FBN3: variants seen among roughly 807,000 people sequenced by gnomAD.
FBN3 encodes the protein fibrillin-3.
Under a neutral mutation model 330.1 loss-of-function variants are expected in FBN3, and 234 were observed. That is an observed-to-expected ratio of 0.71 (90% CI 0.64 to 0.79). FBN3 has a LOEUF of 0.79. Among genes scored for constraint, FBN3 ranks in the 30% least tolerant of loss-of-function variants. FBN3 has a pLI of 0.00. For synonymous variants in FBN3, 1,458 were observed against 1,517.3 expected, an observed-to-expected ratio of 0.96 and a Z score of 0.91; for missense variants, 3,606 against 3,886.9, an observed-to-expected ratio of 0.93 and a Z score of 1.92.
At chr19:8,095,864 G>T in intron 45 of FBN3, 100 bp downstream of exon 45, 2 of 702,802 alleles carry the variant, frequency 2.8e-6, no homozygotes, top group Admixed American at 2.3e-5. Flanking sequence ...CTAAATAATC[G>T]GGGACTTTCT....
intron 54 of FBN3, among the ~76,000 whole-genome samples, chr19:8,086,622 ATTT>A (rs35364392): frequency 0.17 from 23,219 of 133,510 alleles, 2,491 homozygotes; most frequent in African/African-American, 0.32. Context: ...ACGCCCAGCT[ATTT>A]TTTTTTTTTT....
chr19:8,125,830 T>G, intron 22 of FBN3, 62 bp downstream of exon 22: 1 of 1,511,730 alleles, frequency 6.6e-7, no homozygotes, highest in South Asian at 1.3e-5. Flanking sequence ...CTCAAGTCAC[T>G]GCGGGTGGAG....
chr19:8,072,414 G>A (rs2081536182), intron 62 of FBN3, among the ~76,000 whole-genome samples: 1 of 152,184 alleles, frequency 6.6e-6, no homozygotes, highest in South Asian at 2.1e-4. Flanking sequence ...TTGGGCATAG[G>A]TGTGAACACA....
intron 26 of FBN3, among the ~76,000 whole-genome samples, chr19:8,118,669 G>A (rs1299374026): frequency 6.6e-6 from 1 of 151,900 alleles, no homozygotes; most frequent in Non-Finnish European, 1.5e-5. Context: ...ACTCACACAT[G>A]TGCGTGTTCA....
chr19:8,072,901 G>A (rs545747740), intron 62 of FBN3, among the ~76,000 whole-genome samples, 162 bp downstream of exon 62: 16 of 149,504 alleles, frequency 1.1e-4, no homozygotes, highest in Non-Finnish European at 1.6e-4. Flanking sequence ...TGCATATGTG[G>A]GCAAATGCCT....
chr19:8,105,632 T>G (rs557452110), intron 38 of FBN3, among the ~76,000 whole-genome samples: 33 of 152,156 alleles, frequency 2.2e-4, no homozygotes, highest in Non-Finnish European at 4.4e-5. Flanking sequence ...TTGAGAAAAG[T>G]GTAATAAAGT....
In FBN3 at chr19:8,121,945, C is replaced by T. The variant is rs952515798; in HGVS notation, c.3083-559G>A. ...TGTATTTTTAGTAGAGATGGTGTTT[C>T]GCCATGTTGGCCAGGCTGGTCTCAA... On this transcript the variant is annotated intron_variant, in intron 24 of 63. Coordinates refer to ENST00000600128, the MANE Select transcript of FBN3 (RefSeq NM_032447.5). This position sits in a 1 kb window ranked among gnomAD's most constrained non-coding sequence, Gnocchi z 4.5. 2.6e-5 allele frequency among the ~76,000 whole-genome samples: 4 copies of T among 151,672 alleles called. No individual in the cohort carries two copies. The highest frequency in any genetic ancestry group is 2.0e-4 in the Admixed American group (3 of 15,148).
Position 8,096,106 on chromosome 19 carries a change from A to C in FBN3, c.5540-26T>G. ...CTGCAGAAGCAAAGCCGAGAGCCCA[A>C]CCCAGCTCACCCAGGGCATTGGGGA... On this transcript the variant is annotated intron_variant, in intron 44 of 63. Transcript: ENST00000600128. This position sits in a 1 kb window ranked among gnomAD's most constrained non-coding sequence, Gnocchi z 4.6. The C allele has an allele frequency of 6.4e-7, 1 of 1,550,760 alleles. No individual in the cohort carries two copies. Among genetic ancestry groups the C allele is most frequent in the Middle Eastern group, 1.8e-4 (1 of 5,634 alleles).
At position 8,109,215 on chromosome 19, in the gene FBN3, G is replaced by A. The variant is rs766739212; in HGVS notation, c.4618+12C>T. 9.3e-6 allele frequency: 15 copies of A among 1,613,516 alleles called. No individual in the cohort carries two copies. Among genetic ancestry groups the A allele is most frequent in the South Asian group, 2.2e-5 (2 of 91,046 alleles). ...TTAGGTCACGGTGTTCAACTGCCCC[G>A]CAGGGACTCACTGGTGTTGGCCATA... On this transcript the variant is annotated intron_variant, in intron 36 of 63. Transcript: ENST00000600128. The surrounding 1 kb of genome is among the most constrained non-coding windows in gnomAD (Gnocchi z 5.2).
chr19:8,104,357 G>A (rs1417523455), intron 38 of FBN3, among the ~76,000 whole-genome samples: 1 of 151,788 alleles, frequency 6.6e-6, no homozygotes, highest in African/African-American at 2.4e-5. Flanking sequence ...TGTGGTCCCA[G>A]CTACTTGAGA....
In FBN3 at chr19:8,117,568, C is replaced by T. The variant is rs770738836; in HGVS notation, c.3359G>A (p.Ser1120Asn). 2.6e-6 allele frequency: 4 copies of T among 1,554,860 alleles called. No homozygotes were observed. The highest frequency in any genetic ancestry group is 1.7e-4 in the Middle Eastern group (1 of 5,988). ...CTGGCCATGGGGACACAGGCCATCACTCAGGGAGCACTCATCGATGTCTGT... is the reference window on the plus strand; with the variant it reads ...CTGGCCATGGGGACACAGGCCATCATTCAGGGAGCACTCATCGATGTCTGT... ...ACEDIDECSL[S>N]DGLCPHGQCV... The change falls in exon 27 of 64, where the codon AGT (serine) becomes AAT (asparagine). Residue 1120 changes from serine (S) to asparagine (N), a missense_variant. By Grantham distance (46) the Ser-to-Asn change is conservative. Coordinates refer to ENST00000600128, the MANE Select transcript of FBN3 (RefSeq NM_032447.5).
rs181405897 is a variant in FBN3 at position 8,123,794 on chromosome 19, T to G, written c.2946A>C (p.Pro982=). 8.1e-5 allele frequency: 130 copies of G among 1,613,244 alleles called. No individual in the cohort carries two copies. In the East Asian group the frequency reaches 2.6e-3, roughly 32 times the overall value. The change falls in exon 23 of 64, where the codon CCA becomes CCC. Residue 982 remains proline, a synonymous_variant. Transcript: ENST00000600128. ...CTTCCCCAACCGCACCTTTATAGAA[T>G]GGTCGGCCAGACAGGAAGTCCCGGC... is the stretch of plus-strand genomic sequence containing the variant. ...FASRDFLSGR[P]FYKDVNECKV... is the part of the protein sequence containing the mutation.
intron 47 of FBN3, among the ~76,000 whole-genome samples, chr19:8,092,540 C>G (rs2144706367): frequency 6.6e-6 from 1 of 151,994 alleles, no homozygotes; most frequent in East Asian, 2.0e-4. Flanking sequence ...TGGTGAAACC[C>G]TGTCTCTACT....
At chr19:8,123,427 G>A (rs755211885) in intron 24 of FBN3, 37 bp downstream of exon 24, 3 of 1,605,132 alleles carry the variant, frequency 1.9e-6, no homozygotes, top group Non-Finnish European at 2.6e-6. Flanking sequence ...CCCTGCCAAG[G>A]ATCACGCTCT....
At chr19:8,072,438 G>A (rs916135042) in intron 62 of FBN3, among the ~76,000 whole-genome samples, 27 of 152,288 alleles carry the variant, frequency 1.8e-4, no homozygotes, top group African/African-American at 9.6e-5. Flanking sequence ...GTGAGAGGAC[G>A]TGCACAGGCT....
intron 56 of FBN3, among the ~76,000 whole-genome samples, chr19:8,084,884 G>A (rs767604389): frequency 1.9e-4 from 29 of 151,060 alleles, no homozygotes; most frequent in Admixed American, 5.3e-4. Flanking sequence ...CACTGTGCCC[G>A]GCCTATTTTT....
At chr19:8,103,501 C>A (rs2082372743) in intron 39 of FBN3, 61 bp downstream of exon 39, 3 of 1,563,266 alleles carry the variant, frequency 1.9e-6, no homozygotes, top group Non-Finnish European at 2.6e-6. Flanking sequence ...CCCAGCAGTT[C>A]CTCCCATGCC....
In FBN3 at chr19:8,131,865, G is replaced by A; in HGVS notation, c.1715-36C>T. 2 of 1,526,196 alleles carry A rather than the reference G, an allele frequency of 1.3e-6. No homozygotes were observed. Among genetic ancestry groups the A allele is most frequent in the South Asian group, 1.3e-5 (1 of 78,424 alleles). The allele number at this position is 1,526,196 out of a possible 1,614,324, so 94.5% of individuals were successfully genotyped here. On this transcript the variant is annotated intron_variant, in intron 14 of 63. Coordinates refer to ENST00000600128, the MANE Select transcript of FBN3 (RefSeq NM_032447.5). The surrounding 1 kb of genome is among the most constrained non-coding windows in gnomAD (Gnocchi z 4.5). Reference sequence around the variant, plus strand: ...AGTGGCGGCACGGGGATGGGTTCCAGCGTGCTCCCTTCCTCTCTCCCCTCC... The same window carrying A: ...AGTGGCGGCACGGGGATGGGTTCCAACGTGCTCCCTTCCTCTCTCCCCTCC...
intron 8 of FBN3, among the ~76,000 whole-genome samples, chr19:8,140,495 C>T (rs748035969): frequency 6.6e-6 from 1 of 152,190 alleles, no homozygotes; most frequent in African/African-American, 2.4e-5. Flanking sequence ...CCTGTCATTG[C>T]TGTAAGTACA....
Sources: gnomAD v4.1 joint callset for allele counts (sites outside exome capture counted in the v4.1 genomes callset) on GRCh38, gnomAD v4.1.1 for gene constraint, Gnocchi (gnomAD v3.1) non-coding constraint, MANE v1.5 for transcripts, NCBI Gene and HGNC (gene_info 2026-07-23, HGNC 2026-07-21) for gene names.